RNF212B: variants seen among roughly 807,000 people sequenced by gnomAD.
RNF212B encodes ring finger protein 212B, also known as E3 ubiquitin-protein ligase RNF212B.
RNF212B carries 52 observed loss-of-function variants against 55.5 expected under a neutral mutation model. That is an observed-to-expected ratio of 0.94 (90% CI 0.75 to 1.18). RNF212B has a LOEUF of 1.18. RNF212B is among the 50% of genes most tolerant of loss of function. RNF212B has a pLI of 0.00. For missense variants in RNF212B, 289 were observed against 350.4 expected (o/e 0.82, Z 1.40); for synonymous variants, 99 against 121.4 (o/e 0.82, Z 1.21).
chr14:23,233,358 A>T (rs577082638), upstream of RNF212B, among the ~76,000 whole-genome samples: 1 of 151,382 alleles, frequency 6.6e-6, no homozygotes, highest in East Asian at 1.9e-4. Context: ...TTGTCCTATG[A>T]CCCTGCCAAA....
intron 2 of RNF212B, among the ~76,000 whole-genome samples, chr14:23,225,128 T>G (rs1881894523): frequency 6.6e-6 from 1 of 151,282 alleles, no homozygotes; most frequent in Admixed American, 6.6e-5. Context: ...CCAGTTAAAA[T>G]GGCTTTTATT....
chr14:23,271,044 C>T (rs150052705), intron 14 of RNF212B, among the ~76,000 whole-genome samples: 39 of 152,146 alleles, frequency 2.6e-4, no homozygotes, highest in African/African-American at 7.7e-4. Flanking sequence ...CTCCAGAGAC[C>T]GCTAGAATAA....
intron 4 of RNF212B, among the ~76,000 whole-genome samples, chr14:23,250,354 G>A (rs1055752045): frequency 4.6e-5 from 7 of 151,808 alleles, no homozygotes; most frequent in South Asian, 2.1e-4. Context: ...ATGGTGGCGC[G>A]TGCCTGTAAT....
rs573270972 is a variant in RNF212B at position 23,208,972 on chromosome 14, A to G, written c.-2+15571A>G. On this transcript the variant is annotated intron_variant, in intron 2 of 15. Transcript: ENST00000399910. ...ACGGGGTTTCATCGTGTTAGCCGGG[A>G]TGGTCTCGATCTCCTGACCTCGTGA... is the stretch of plus-strand genomic sequence containing the variant. Among the ~76,000 whole-genome samples, 17 of 151,520 alleles carry G rather than the reference A, an allele frequency of 1.1e-4. No homozygotes were observed. In the East Asian group the frequency reaches 2.5e-3, roughly 23 times the overall value.
intron 1 of RNF212B, among the ~76,000 whole-genome samples, chr14:23,189,448 T>C (rs1301307820): frequency 6.6e-6 from 1 of 152,070 alleles, no homozygotes; most frequent in East Asian, 1.9e-4. Context: ...ACATCATCAG[T>C]TTTTCACTGT....
intron 2 of RNF212B, among the ~76,000 whole-genome samples, chr14:23,230,653 C>CAAA (rs60122483): frequency 4.3e-4 from 32 of 73,992 alleles, no homozygotes; most frequent in East Asian, 1.4e-3. Context: ...GACTCCATCT[C>CAAA]AAAAAAAAAA....
chr14:23,235,623 A>G (rs971197943), upstream of RNF212B, among the ~76,000 whole-genome samples: 3 of 152,260 alleles, frequency 2.0e-5, no homozygotes, highest in Non-Finnish European at 2.9e-5. Context: ...TGCAACTGAC[A>G]GCTTGACAGC....
chr14:23,266,485 C>T, intron 11 of RNF212B, among the ~76,000 whole-genome samples: 1 of 136,270 alleles, frequency 7.3e-6, no homozygotes, highest in East Asian at 2.2e-4. Context: ...AATCTCGGCT[C>T]ACCGCAACCT....
intron 4 of RNF212B, among the ~76,000 whole-genome samples, chr14:23,258,000 A>G (rs781155694): frequency 1.3e-5 from 2 of 152,226 alleles, no homozygotes; most frequent in Non-Finnish European, 2.9e-5. Flanking sequence ...ATGAAAAATT[A>G]TATATTTAAA....
chr14:23,263,234 C>T (rs543766726), intron 9 of RNF212B, among the ~76,000 whole-genome samples: 1 of 152,276 alleles, frequency 6.6e-6, no homozygotes, highest in African/African-American at 2.4e-5. Context: ...ATCAGAAAGC[C>T]ACTATAAAAC....
chr14:23,272,618 G>A (rs1594959306), intron 14 of RNF212B: 2 of 585,936 alleles, frequency 3.4e-6, no homozygotes, highest in East Asian at 3.0e-5. Flanking sequence ...ATCACCATAA[G>A]CTACTGAAAT....
chr14:23,214,718 G>A (rs1401165047), intron 2 of RNF212B, among the ~76,000 whole-genome samples: 2 of 151,804 alleles, frequency 1.3e-5, no homozygotes, highest in African/African-American at 4.8e-5. Context: ...CATAACTAAT[G>A]TCAGGACTTC....
At chr14:23,236,242 G>A (rs1231087029), upstream of RNF212B, among the ~76,000 whole-genome samples, 2 of 152,104 alleles carry the variant, frequency 1.3e-5, no homozygotes, top group South Asian at 2.1e-4. Context: ...TTGGCCAGGC[G>A]CGGTGGCTCA....
chr14:23,258,147 T>C (rs1208824343), intron 4 of RNF212B, among the ~76,000 whole-genome samples: 4 of 152,078 alleles, frequency 2.6e-5, no homozygotes, highest in South Asian at 4.1e-4. Flanking sequence ...AAGACTAGCC[T>C]GACCAACATG....
chr14:23,267,241 A>G (rs954716517), intron 11 of RNF212B, among the ~76,000 whole-genome samples: 5 of 151,888 alleles, frequency 3.3e-5, no homozygotes, highest in African/African-American at 1.2e-4. Flanking sequence ...CTCAGCTCCC[A>G]AAGTGCTGGG....
At chr14:23,199,570 G>T (rs143689835) in intron 2 of RNF212B, among the ~76,000 whole-genome samples, 1 of 152,142 alleles carries the variant, frequency 6.6e-6, no homozygotes, top group East Asian at 1.9e-4. Context: ...CATTTTACAA[G>T]AAAATGAATC....
At chr14:23,252,671 T>G (rs11629105) in intron 4 of RNF212B, among the ~76,000 whole-genome samples, 24,003 of 152,140 alleles carry the variant, frequency 0.16, 1,968 homozygotes, top group Non-Finnish European at 0.18. Flanking sequence ...GGTTAAGGAA[T>G]GCAGGTTGAA....
intron 2 of RNF212B, among the ~76,000 whole-genome samples, chr14:23,226,556 G>A (rs918845018): frequency 1.1e-4 from 16 of 151,570 alleles, no homozygotes; most frequent in African/African-American, 3.9e-4. Flanking sequence ...GGGTGAACCC[G>A]GGAGGCGGAG....
chr14:23,243,387 G>A (rs1883742204), intron 3 of RNF212B, 79 bp downstream of exon 3: 2 of 1,246,630 alleles, frequency 1.6e-6, no homozygotes, highest in South Asian at 1.3e-5. Context: ...TACAGATGAT[G>A]AATTGTTTCA....
Sources: gnomAD v4.1 joint callset for allele counts (sites outside exome capture counted in the v4.1 genomes callset) on GRCh38, gnomAD v4.1.1 for gene constraint, MANE v1.5 for transcripts, NCBI Gene and HGNC (gene_info 2026-07-23, HGNC 2026-07-21) for gene names.